MROH2A: variants seen among roughly 807,000 people sequenced by gnomAD.
MROH2A encodes maestro heat-like repeat-containing protein family member 2A.
In MROH2A, 174 loss-of-function variants were observed where a neutral mutation model predicts 200.4. The observed-to-expected ratio is 0.87, with a 90% CI of 0.77 to 0.98. The LOEUF (loss-of-function observed/expected upper bound fraction) is 0.98. Ranked by LOEUF, MROH2A falls within the 50% of genes least tolerant of loss-of-function variation. The pLI, the probability that MROH2A is intolerant of heterozygous loss-of-function variation, is 0.00. For synonymous variants in MROH2A, 829 were observed against 840.4 expected (o/e 0.99, Z 0.23); for missense variants, 2,045 against 2,139.6 (o/e 0.96, Z 0.87).
At chr2:233,817,964 G>T in intron 27 of MROH2A, 38 bp from the exon 28 acceptor site, 1 of 1,549,958 alleles carries the variant, frequency 6.5e-7, no homozygotes, top group Non-Finnish European at 8.7e-7. Flanking sequence ...GTGCATGAGA[G>T]CACAGAGGTG....
At chr2:233,803,760 C>A (rs188809466) in intron 16 of MROH2A, among the ~76,000 whole-genome samples, 11 of 152,262 alleles carry the variant, frequency 7.2e-5, no homozygotes, top group Non-Finnish European at 7.4e-5. Flanking sequence ...CCAATGCCTG[C>A]CTACCCCTGG....
rs1389655460 is a variant in MROH2A, at chr2:233,820,079, C to T, written c.3512+23C>T. On this transcript the variant is annotated intron_variant, in intron 31 of 41. Coordinates refer to ENST00000389758, the MANE Select transcript of MROH2A (RefSeq NM_001394639.1). This position sits in a 1 kb window ranked among gnomAD's most constrained non-coding sequence, Gnocchi z 4.1. ...GAGGTGGGTGCCCTGGAGGAGGTGG[C>T]CCCGGCCTCCTGTGCCATTTGACCA... 1 of 1,488,566 alleles carries T rather than the reference C, an allele frequency of 6.7e-7. No homozygotes were observed. Among genetic ancestry groups the T allele is most frequent in the Admixed American group, 2.2e-5 (1 of 45,758 alleles). 92.2% of individuals were successfully genotyped at this position (1,488,566 alleles called of 1,614,324 possible).
chr2:233,805,675 T>A (rs966813514), intron 19 of MROH2A, among the ~76,000 whole-genome samples: 2 of 152,168 alleles, frequency 1.3e-5, no homozygotes, highest in African/African-American at 4.8e-5. Context: ...GCAGTAAAAC[T>A]CCTTACACAA....
intron 23 of MROH2A, among the ~76,000 whole-genome samples, chr2:233,811,382 C>G (rs1703146162): frequency 6.6e-6 from 1 of 152,216 alleles, no homozygotes; most frequent in African/African-American, 2.4e-5. Context: ...TCCTTAATCC[C>G]CAGGCCTCCC....
Position 233,820,236 on chromosome 2 carries a change from C to G in MROH2A, c.3512+180C>G, listed in dbSNP as rs1191194302. Among the ~76,000 whole-genome samples the G allele has an allele frequency of 1.3e-5, 2 of 152,198 alleles. No homozygotes were observed. Among genetic ancestry groups the G allele is most frequent in the Non-Finnish European group, 2.9e-5 (2 of 68,042 alleles). ...GTGCCAGCCTCCGACGAGCCACTGA[C>G]AGAGCCCAGGCTTGTAGAACTTCGC... On this transcript the variant is annotated intron_variant, in intron 31 of 41. Transcript: ENST00000389758. The surrounding 1 kb of genome is among the most constrained non-coding windows in gnomAD (Gnocchi z 4.1).
In MROH2A at chr2:233,807,991, C is replaced by G. The variant is rs758949059; in HGVS notation, c.2295+136C>G. The G allele has an allele frequency of 5.2e-6, 6 of 1,147,432 alleles. No homozygotes were observed. Among genetic ancestry groups the G allele is most frequent in the Non-Finnish European group, 7.4e-6 (6 of 806,484 alleles). 71.1% of individuals were successfully genotyped at this position (1,147,432 alleles called of 1,614,324 possible). On this transcript the variant is annotated intron_variant, in intron 21 of 41. Transcript: ENST00000389758. This position sits in a 1 kb window ranked among gnomAD's most constrained non-coding sequence, Gnocchi z 4.3. ...TCTCCTGTCATCAAAATGGCTGAGACATTGTCTTACTCTGAGACCTCCTGG... is the reference window on the plus strand; with the variant it reads ...TCTCCTGTCATCAAAATGGCTGAGAGATTGTCTTACTCTGAGACCTCCTGG...
chr2:233,781,393 G>T (rs1315498958), intron 3 of MROH2A, among the ~76,000 whole-genome samples: 1 of 152,090 alleles, frequency 6.6e-6, no homozygotes, highest in Non-Finnish European at 1.5e-5. Flanking sequence ...ATCCTTGCTA[G>T]CATCTGTTAT....
rs1187588824 is a variant in MROH2A, at chr2:233,818,748, G to A, written c.3182G>A (p.Cys1061Tyr). ...AGCACAGATGTGGAGAAGATCTTCT[G>A]TGCATCCTCCAGAATCGCCAAGGTG... ...LQSTDVEKIF[C>Y]ASSRIAKVVC... is the part of the protein sequence containing the mutation. The change falls in exon 29 of 42, where the codon TGT becomes TAT. Residue 1061 changes from cysteine (C) to tyrosine (Y), a missense_variant. Physicochemically the swap from Cys to Tyr is radical, Grantham distance 194. Transcript: ENST00000389758. The A allele has an allele frequency of 6.5e-7, 1 of 1,548,854 alleles. No individual in the cohort carries two copies. Among genetic ancestry groups the A allele is most frequent in the Non-Finnish European group, 8.7e-7 (1 of 1,145,672 alleles).
chr2:233,794,443 C>G lies in MROH2A; in HGVS notation c.903C>G (p.Tyr301Ter), dbSNP rs751861550. Residue 301 changes from tyrosine to a stop codon, truncating the protein, a stop_gained, in exon 8 of 42, where the codon TAC becomes TAG. Transcript: ENST00000389758. LOFTEE classifies it high-confidence loss of function. ...ACGATGACCTGCGGGAGCAGGTCTA[C>G]GACTACATCCCCCTGCTGCTGGCGG... ...LPNDDLREQV[Y>*]DYIPLLLAEY... The G allele has an allele frequency of 2.6e-6, 4 of 1,550,478 alleles. No individual in the cohort carries two copies. The highest frequency in any genetic ancestry group is 1.4e-5 in the African/African-American group (1 of 73,152).
At chr2:233,813,215 T>C (rs1703290075) in intron 24 of MROH2A, among the ~76,000 whole-genome samples, 1 of 152,214 alleles carries the variant, frequency 6.6e-6, no homozygotes, top group Admixed American at 6.5e-5. Context: ...AATTTTTGAT[T>C]CAGCAGGTCT....
chr2:233,823,227 T>C (rs1286286474), intron 34 of MROH2A, among the ~76,000 whole-genome samples: 1 of 152,180 alleles, frequency 6.6e-6, no homozygotes, highest in African/African-American at 2.4e-5. Flanking sequence ...AGAGCAGATA[T>C]GAGGGCAGAA....
Position 233,831,490 on chromosome 2 carries a change from G to A in MROH2A, c.4684G>A (p.Ala1562Thr), listed in dbSNP as rs879665. The part of the protein sequence containing the change: ...LEHPSGPSDT[A>T]TDDKMTVFQT... ...GCATCCCTCAGGGCCAAGTGATACC[G>A]CTACTGATGACAAGATGACCGTTTT... Residue 1562 changes from alanine to threonine, a missense_variant, in exon 39 of 42, where the codon GCT (alanine) becomes ACT (threonine). By Grantham distance (58) the Ala-to-Thr change is moderately conservative. Transcript: ENST00000389758. 221,524 of 1,549,248 alleles carry A rather than the reference G, an allele frequency of 0.14. 17,012 individuals are homozygous for A. Among genetic ancestry groups the A allele is most frequent in the African/African-American group, 0.25 (18,191 of 73,002 alleles).
chr2:233,830,416 T>C (rs1245126996), intron 38 of MROH2A, among the ~76,000 whole-genome samples: 1 of 152,100 alleles, frequency 6.6e-6, no homozygotes, highest in Non-Finnish European at 1.5e-5. Flanking sequence ...GGGAGGTGGC[T>C]GATTTGGGGA....
At position 233,818,032 on chromosome 2, in the gene MROH2A, A is replaced by G. The variant is rs867310110; in HGVS notation, c.2992A>G (p.Met998Val). ...CCTAAAGCTGGGGCAGTTTGGCACA[A>G]TGGTCGGACTCATTGCCCCGTGCAC... is the stretch of plus-strand genomic sequence containing the variant. ...IHLKLGQFGT[M>V]VGLIAPCTCD... Residue 998 changes from methionine to valine, a missense_variant, in exon 28 of 42, where the codon ATG becomes GTG. Met to Val is a conservative substitution (Grantham distance 21). Transcript: ENST00000389758. 5.8e-6 allele frequency: 9 copies of G among 1,550,974 alleles called. No homozygotes were observed. The highest frequency in any genetic ancestry group is 7.8e-6 in the Non-Finnish European group (9 of 1,147,078).
At chr2:233,795,244 A>T (rs900493934) in intron 8 of MROH2A, among the ~76,000 whole-genome samples, 1 of 152,190 alleles carries the variant, frequency 6.6e-6, no homozygotes, top group African/African-American at 2.4e-5. Flanking sequence ...GGAGCTGTGG[A>T]TGGGGCTGGT....
chr2:233,812,887 G>A lies in MROH2A; in HGVS notation c.2652-783G>A, dbSNP rs780893118. Among the ~76,000 whole-genome samples the A allele has an allele frequency of 1.4e-4, 22 of 152,294 alleles. 1 individual carries two copies. The Middle Eastern group carries it at 0.017, about 118-fold the overall frequency. On this transcript the variant is annotated intron_variant, in intron 24 of 41. Transcript: ENST00000389758. Reference sequence around the variant, plus strand: ...CTTAGGCAGAACGACTGGACTTGGCGCTTCCTAGGAGAGTGTAATACAAGA... The same window carrying A: ...CTTAGGCAGAACGACTGGACTTGGCACTTCCTAGGAGAGTGTAATACAAGA...
intron 8 of MROH2A, 164 bp from the exon 9 acceptor site, chr2:233,795,489 T>C (rs1396834330): frequency 1.8e-6 from 2 of 1,110,236 alleles, no homozygotes; most frequent in East Asian, 5.2e-5. Flanking sequence ...AATGCAGGCT[T>C]GGATTCAGCA....
At chr2:233,786,301 G>T (rs557472360) in intron 3 of MROH2A, among the ~76,000 whole-genome samples, 13 of 152,300 alleles carry the variant, frequency 8.5e-5, no homozygotes, top group East Asian at 1.9e-4. Context: ...CTAATACAAG[G>T]TGCCAGCAAA....
Position 233,811,881 on chromosome 2 carries a change from C to T in MROH2A, c.2573C>T (p.Ala858Val), listed in dbSNP as rs907643173. 1.6e-5 allele frequency: 25 copies of T among 1,549,042 alleles called. No homozygotes were observed. The highest frequency in any genetic ancestry group is 3.3e-4 in the Middle Eastern group (2 of 6,014). ...CCACCCCCTGCTTGTGTTGGACAGGCGGTCATCAAGGCAGAACCGACTGAC... is the reference window on the plus strand; with the variant it reads ...CCACCCCCTGCTTGTGTTGGACAGGTGGTCATCAAGGCAGAACCGACTGAC... Reference protein sequence around the residue: ...QKTTLTSIIVAVIKAEPTDNL... With the variant: ...QKTTLTSIIVVVIKAEPTDNL... The change falls in exon 24 of 42, where the codon GCG (alanine) becomes GTG (valine). Residue 858 changes from alanine (A) to valine (V), a missense_variant and splice_region_variant. By Grantham distance (64) the Ala-to-Val change is moderately conservative (BLOSUM62 0). Around this residue, in one of 3 missense-constraint regions of MROH2A, gnomAD observed 1,201 missense variants for 1,311.3 expected, o/e 0.92. Transcript: ENST00000389758.
Sources: allele counts gnomAD v4.1 joint callset (sites outside exome capture counted in the v4.1 genomes callset), GRCh38; gene constraint gnomAD v4.1.1; regional missense constraint gnomAD v4.1.1; non-coding constraint Gnocchi (gnomAD v3.1); transcripts MANE v1.5; gene names NCBI Gene and HGNC (gene_info 2026-07-23, HGNC 2026-07-21).